NMNAT2: variants seen among roughly 807,000 people sequenced by gnomAD.
The protein encoded by NMNAT2 is nicotinamide nucleotide adenylyltransferase 2, also known as nicotinamide/nicotinic acid mononucleotide adenylyltransferase 2.
In NMNAT2, 11 loss-of-function variants were observed where a neutral mutation model predicts 41.6. The observed-to-expected ratio is 0.26, with a 90% CI of 0.17 to 0.44. NMNAT2 has a LOEUF of 0.44. NMNAT2 is among the 20% of genes least tolerant of loss of function. The probability of loss-of-function intolerance (pLI) is 1.00; values close to 1 mark genes in which losing one functional copy is unlikely to be tolerated. For synonymous variants in NMNAT2, 148 were observed against 151.2 expected, an observed-to-expected ratio of 0.98 and a Z score of 0.16; for missense variants, 288 against 407.7, an observed-to-expected ratio of 0.71 and a Z score of 2.53.
chr1:183,387,041 A>C (rs1453000649), intron 1 of NMNAT2, among the ~76,000 whole-genome samples: 1 of 151,908 alleles, frequency 6.6e-6, no homozygotes, highest in African/African-American at 2.4e-5. Flanking sequence ...AGTTTGAAGA[A>C]ATTGTTTGAT....
At chr1:183,297,385 T>C (rs1430675569) in intron 1 of NMNAT2, among the ~76,000 whole-genome samples, 17 of 21,614 alleles carry the variant, frequency 7.9e-4, no homozygotes, top group African/African-American at 2.4e-3. Flanking sequence ...AAGGAACCCT[T>C]TTTTTTTTTT....
chr1:183,249,244 G>T lies in NMNAT2; in HGVS notation c.*3397C>A, dbSNP rs1660309468. The T allele has an allele frequency of 6.6e-6, 1 of 152,376 alleles. No individual in the cohort carries two copies. The highest frequency in any genetic ancestry group is 1.5e-5 in the Non-Finnish European group (1 of 68,100). 9.4% of individuals were successfully genotyped at this position (152,376 alleles called of 1,614,324 possible). A position where few individuals can be genotyped will look rare whatever the true frequency, so the allele number is the denominator to read the frequency against. ...TGAAAGCAAGAAGGCTCTAGAGGCT[G>T]CCTGGGGTTGGGGGTGTGTGACTGA... On this transcript the variant is annotated 3_prime_UTR_variant, in exon 11 of 11. Transcript: ENST00000287713.
chr1:183,361,303 G>A (rs1377720096), intron 1 of NMNAT2, among the ~76,000 whole-genome samples: 1 of 152,118 alleles, frequency 6.6e-6, no homozygotes, highest in South Asian at 2.1e-4. Flanking sequence ...GCCACGACTT[G>A]TTCTTGACTC....
intron 1 of NMNAT2, among the ~76,000 whole-genome samples, chr1:183,302,193 C>T (rs1029419107): frequency 2.0e-5 from 3 of 152,184 alleles, no homozygotes; most frequent in African/African-American, 7.2e-5. Context: ...ATGTTGAAGG[C>T]TCTGTCCCAG....
intron 1 of NMNAT2, among the ~76,000 whole-genome samples, chr1:183,371,019 C>T (rs1163086083): frequency 1.6e-4 from 25 of 152,030 alleles, no homozygotes. Context: ...TTAGGAAAAG[C>T]AAACAAATGA....
chr1:183,249,682 CGTGTGT>C lies in NMNAT2; in HGVS notation c.*2953_*2958del, dbSNP rs3841433. On this transcript the variant is annotated 3_prime_UTR_variant, in exon 11 of 11. Transcript: ENST00000287713. ...TTCCCCTAGCAAATGAAGAGTAGGG[CGTGTGT>C]GTGTGTGTGTGTGTGTGTGTGTGTG... 5,887 of 119,584 alleles carry C rather than the reference CGTGTGT, an allele frequency of 0.049. 215 individuals are homozygous for C. The highest frequency in any genetic ancestry group is 0.11 in the East Asian group (440 of 4,138). 7.4% of individuals were successfully genotyped at this position (119,584 alleles called of 1,614,324 possible). A position where few individuals can be genotyped will look rare whatever the true frequency, so the allele number is the denominator to read the frequency against.
intron 1 of NMNAT2, among the ~76,000 whole-genome samples, chr1:183,345,867 T>G (rs1282439866): frequency 6.6e-6 from 1 of 152,042 alleles, no homozygotes; most frequent in African/African-American, 2.4e-5. Flanking sequence ...TTTGTATTTT[T>G]AGTAGAGACA....
chr1:183,268,476 C>T (rs1010347256), intron 8 of NMNAT2, among the ~76,000 whole-genome samples: 12 of 152,062 alleles, frequency 7.9e-5, no homozygotes, highest in African/African-American at 2.2e-4. Context: ...AGGTTACTAC[C>T]GGGTGGCTAA....
At chr1:183,329,232 T>G (rs1662529687) in intron 1 of NMNAT2, among the ~76,000 whole-genome samples, 1 of 152,148 alleles carries the variant, frequency 6.6e-6, no homozygotes, top group African/African-American at 2.4e-5. Flanking sequence ...AATATCCATT[T>G]TAATTGTGTG....
intron 1 of NMNAT2, among the ~76,000 whole-genome samples, chr1:183,370,223 TACAC>T (rs57569629): frequency 0.16 from 18,491 of 112,116 alleles, 1,058 homozygotes; most frequent in South Asian, 0.24. Context: ...TATCAACACA[TACAC>T]ACACACACAC....
chr1:183,283,792 G>T (rs1571572174), intron 7 of NMNAT2: 2 of 622,434 alleles, frequency 3.2e-6, no homozygotes, highest in East Asian at 5.9e-5. Flanking sequence ...TCTCTTGGGA[G>T]TTGGCTGGAG....
intron 1 of NMNAT2, among the ~76,000 whole-genome samples, chr1:183,297,167 C>T (rs559283426): frequency 5.1e-4 from 77 of 151,238 alleles, no homozygotes; most frequent in African/African-American, 1.7e-3. Context: ...ACTTATTTCC[C>T]GGCCACCTCA....
chr1:183,274,696 C>T lies in NMNAT2; in HGVS notation c.651+3857G>A, dbSNP rs534183707. 2.1e-4 allele frequency among the ~76,000 whole-genome samples: 30 copies of T among 145,088 alleles called. No individual in the cohort carries two copies. The South Asian group carries it at 4.9e-3, about 24-fold the overall frequency. On this transcript the variant is annotated intron_variant, in intron 8 of 10. Transcript: ENST00000287713. Reference sequence around the variant, plus strand: ...TTTGTAATCCTAGCACTTTGGGAGGCGGAGGTGGGAGGATCATTTGGGCTC... The same window carrying T: ...TTTGTAATCCTAGCACTTTGGGAGGTGGAGGTGGGAGGATCATTTGGGCTC...
chr1:183,413,602 CTTTTTT>C (rs71130613), intron 1 of NMNAT2, among the ~76,000 whole-genome samples: 1 of 82,530 alleles, frequency 1.2e-5, no homozygotes, highest in African/African-American at 4.7e-5. Flanking sequence ...TCTTTTCTTT[CTTTTTT>C]TTTTTTTTTT....
intron 8 of NMNAT2, among the ~76,000 whole-genome samples, chr1:183,268,924 T>C (rs1375896196): frequency 1.3e-5 from 2 of 152,084 alleles, no homozygotes; most frequent in Non-Finnish European, 2.9e-5. Flanking sequence ...TGTTGGCACG[T>C]GCCTGAGTCC....
chr1:183,254,867 GC>G (rs1179723527), intron 10 of NMNAT2, among the ~76,000 whole-genome samples: 1 of 152,138 alleles, frequency 6.6e-6, no homozygotes, highest in African/African-American at 2.4e-5. Flanking sequence ...TCCCTAGGTT[GC>G]CTTTTCATTT....
intron 1 of NMNAT2, among the ~76,000 whole-genome samples, chr1:183,297,596 A>G (rs6696287): frequency 0.61 from 92,008 of 151,906 alleles, 28,206 homozygotes; most frequent in Middle Eastern, 0.67. Context: ...GGTCAGGCTG[A>G]TCTTGAACTC....
chr1:183,407,039 G>A (rs2021157), intron 1 of NMNAT2, among the ~76,000 whole-genome samples: 1 of 151,992 alleles, frequency 6.6e-6, no homozygotes, highest in Non-Finnish European at 1.5e-5. Context: ...GGTTGATCTC[G>A]AACTCCTGAC....
chr1:183,397,597 A>G (rs1046457391), intron 1 of NMNAT2, among the ~76,000 whole-genome samples: 7 of 152,182 alleles, frequency 4.6e-5, no homozygotes, highest in Non-Finnish European at 8.8e-5. Flanking sequence ...CAACCCCAAG[A>G]CACATAATTG....
Sources: allele counts gnomAD v4.1 joint callset (sites outside exome capture counted in the v4.1 genomes callset), GRCh38; gene constraint gnomAD v4.1.1; transcripts MANE v1.5; gene names NCBI Gene and HGNC (gene_info 2026-07-23, HGNC 2026-07-21).